TCF20: variants seen among roughly 807,000 people sequenced by gnomAD.
TCF20 encodes transcription factor 20.
TCF20 carries 3 observed loss-of-function variants against 148.6 expected under a neutral mutation model. The ratio of observed to expected loss-of-function variants is 0.02; its 90% CI spans 0.01 to 0.05. The LOEUF (loss-of-function observed/expected upper bound fraction) is 0.05, where lower values mean the gene tolerates loss of function less well. Among genes scored for constraint, TCF20 ranks in the 10% least tolerant of loss-of-function variants. The pLI is 1.00. For synonymous variants in TCF20, 1,049 were observed against 909.5 expected, an observed-to-expected ratio of 1.15 and a Z score of -2.76; for missense variants, 2,350 against 2,429.3, an observed-to-expected ratio of 0.97 and a Z score of 0.69.
At chr22:42,331,924 C>T (rs1388412296) in intron 1 of TCF20, among the ~76,000 whole-genome samples, 1 of 152,232 alleles carries the variant, frequency 6.6e-6, no homozygotes, top group Non-Finnish European at 1.5e-5. Context: ...GCTTTAGAGA[C>T]AGATGGATAT....
At chr22:42,255,435 G>A (rs1345781249) in intron 1 of TCF20, among the ~76,000 whole-genome samples, 2 of 152,046 alleles carry the variant, frequency 1.3e-5, no homozygotes, top group Non-Finnish European at 2.9e-5. Flanking sequence ...ACTGCCATGA[G>A]CTGAGATCGC....
At chr22:42,188,250 G>A (rs908933744) in intron 2 of TCF20, among the ~76,000 whole-genome samples, 1 of 119,246 alleles carries the variant, frequency 8.4e-6, no homozygotes, top group East Asian at 2.4e-4. Context: ...GCGAGATCAT[G>A]CCATTGTACT....
intron 1 of TCF20, among the ~76,000 whole-genome samples, chr22:42,255,467 A>C (rs1361327175): frequency 1.3e-5 from 2 of 151,214 alleles, no homozygotes; most frequent in African/African-American, 4.9e-5. Flanking sequence ...CCAACCTGGC[A>C]ACAGAGTGAG....
chr22:42,274,806 CG>C (rs1293411473), upstream of TCF20: 2 of 152,186 alleles, frequency 1.3e-5, no homozygotes, highest in African/African-American at 2.4e-5. Context: ...CTTGGGTCTC[CG>C]GCATCCTGTG....
intron 1 of TCF20, among the ~76,000 whole-genome samples, chr22:42,232,391 T>C (rs192713755): frequency 2.9e-4 from 44 of 151,610 alleles, no homozygotes; most frequent in Non-Finnish European, 5.9e-4. Context: ...TGAGGCATGA[T>C]TGTACCAAAA....
At chr22:42,271,674 T>G (rs1926626594), upstream of TCF20, among the ~76,000 whole-genome samples, 1 of 152,174 alleles carries the variant, frequency 6.6e-6, no homozygotes, top group Non-Finnish European at 1.5e-5. Flanking sequence ...TGAGGAGAGT[T>G]TGGATTAGAT....
At chr22:42,312,132 CCAGGTG>C (rs541831228) in intron 1 of TCF20, among the ~76,000 whole-genome samples, 101 of 152,282 alleles carry the variant, frequency 6.6e-4, no homozygotes, top group African/African-American at 2.4e-3. Flanking sequence ...CAACATTACA[CCAGGTG>C]CAGGAGCTAC....
At chr22:42,185,356 C>G (rs1315969097) in intron 2 of TCF20, among the ~76,000 whole-genome samples, 1 of 152,222 alleles carries the variant, frequency 6.6e-6, no homozygotes, top group Non-Finnish European at 1.5e-5. Context: ...CAAGGACTGG[C>G]ACACCATAGG....
intron 2 of TCF20, among the ~76,000 whole-genome samples, chr22:42,186,228 C>T (rs1234119475): frequency 6.6e-6 from 1 of 152,136 alleles, no homozygotes; most frequent in African/African-American, 2.4e-5. Context: ...TATGATGCAG[C>T]ACAGGGCTAC....
chr22:42,304,551 G>A (rs1434244779), intron 1 of TCF20, among the ~76,000 whole-genome samples: 1 of 152,190 alleles, frequency 6.6e-6, no homozygotes, highest in Non-Finnish European at 1.5e-5. Flanking sequence ...GCCGCGCAGA[G>A]ATCCCCTTGC....
intron 1 of TCF20, among the ~76,000 whole-genome samples, chr22:42,261,366 AG>A (rs771120172): frequency 6.6e-6 from 1 of 152,222 alleles, no homozygotes; most frequent in Non-Finnish European, 1.5e-5. Context: ...GCTGGGTCAC[AG>A]GGCAGATGTA....
In TCF20 at chr22:42,214,550, A is replaced by T. The variant is rs1447589415; in HGVS notation, c.756T>A (p.Arg252=). The T allele has an allele frequency of 1.9e-6, 3 of 1,614,066 alleles. No homozygotes were observed. The African/African-American group carries it at 4.0e-5, about 22-fold the overall frequency. Residue 252 remains arginine, a synonymous_variant, in exon 2 of 6, where the codon CGT becomes CGA. Coordinates refer to ENST00000677622, the MANE Select transcript of TCF20 (RefSeq NM_001378418.1). ...CATAGCTCTGTCCAGACTGGCTAAA[A>T]CGCTGTGGTGAAGGGAAGGAGGAGG... ...SSSSSFPSPQ[R]FSQSGQSYDG...
intron 1 of TCF20, among the ~76,000 whole-genome samples, chr22:42,323,920 G>A (rs1927793796): frequency 8.4e-6 from 1 of 118,858 alleles, no homozygotes; most frequent in African/African-American, 3.3e-5. Flanking sequence ...GGTGGTGATG[G>A]AGGTTATGGT....
At chr22:42,303,389 G>A (rs1362787726) in intron 1 of TCF20, among the ~76,000 whole-genome samples, 1 of 152,266 alleles carries the variant, frequency 6.6e-6, no homozygotes, top group Non-Finnish European at 1.5e-5. Flanking sequence ...CCCCAGATCA[G>A]ACAGAAACGG....
intron 1 of TCF20, among the ~76,000 whole-genome samples, chr22:42,230,090 T>C (rs567774242): frequency 5.3e-5 from 8 of 152,330 alleles, no homozygotes; most frequent in Admixed American, 3.3e-4. Flanking sequence ...CAATTATTAG[T>C]ACAGCACATG....
At chr22:42,169,480 C>CA (rs776954969) in intron 4 of TCF20, among the ~76,000 whole-genome samples, 1 of 152,236 alleles carries the variant, frequency 6.6e-6, no homozygotes, top group Non-Finnish European at 1.5e-5. Context: ...GCACAGGCCT[C>CA]AAGGCCTAGA....
intron 2 of TCF20, among the ~76,000 whole-genome samples, chr22:42,207,355 A>G (rs921332127): frequency 6.6e-6 from 1 of 152,022 alleles, no homozygotes; most frequent in African/African-American, 2.4e-5. Context: ...TGGAACAAAA[A>G]AAAAAATGTT....
At chr22:42,199,507 T>C (rs1241317743) in intron 2 of TCF20, among the ~76,000 whole-genome samples, 3 of 152,022 alleles carry the variant, frequency 2.0e-5, no homozygotes, top group East Asian at 3.8e-4. Flanking sequence ...ACATGTGCTC[T>C]TTCTCAGTGT....
chr22:42,339,050 T>C (rs1427915222), intron 1 of TCF20, among the ~76,000 whole-genome samples: 3 of 151,954 alleles, frequency 2.0e-5, no homozygotes, highest in Admixed American at 2.0e-4. Flanking sequence ...GTCTTTCCAG[T>C]CTCAGAAAAG....
Sources: gnomAD v4.1 joint callset for allele counts (sites outside exome capture counted in the v4.1 genomes callset) on GRCh38, gnomAD v4.1.1 for gene constraint, MANE v1.5 for transcripts, NCBI Gene and HGNC (gene_info 2026-07-23, HGNC 2026-07-21) for gene names.